Variants in PPP5C observed in about 807,000 individuals in gnomAD.
The protein encoded by PPP5C is protein phosphatase 5 catalytic subunit.
A neutral mutation model predicts 66.7 loss-of-function variants in PPP5C; 21 were observed. That is an observed-to-expected ratio of 0.31 (90% confidence interval 0.22 to 0.45). The LOEUF is 0.45. Ranked by LOEUF, PPP5C falls within the 20% of genes least tolerant of loss-of-function variation. PPP5C has a pLI of 1.00. For missense variants in PPP5C, 464 were observed against 675.9 expected (o/e 0.69, Z 3.48); for synonymous variants, 246 against 257.4 (o/e 0.96, Z 0.43).
intron 7 of PPP5C, among the ~76,000 whole-genome samples, chr19:46,385,813 G>A (rs911619333): frequency 3.6e-4 from 54 of 151,194 alleles, no homozygotes; most frequent in South Asian, 1.1e-3. Context: ...TGGTGGCACC[G>A]TGCACCCGTA....
chr19:46,348,088 A>G (rs1400755604), intron 1 of PPP5C, among the ~76,000 whole-genome samples: 1 of 152,084 alleles, frequency 6.6e-6, no homozygotes, highest in African/African-American at 2.4e-5. Context: ...GGCCTTACTG[A>G]GCAGGAGGCG....
chr19:46,349,253 C>T (rs1972140337), intron 1 of PPP5C, among the ~76,000 whole-genome samples: 1 of 151,684 alleles, frequency 6.6e-6, no homozygotes, highest in Non-Finnish European at 1.5e-5. Flanking sequence ...AAGATCACAC[C>T]ACTGCATTCC....
rs150926557 is a variant in PPP5C at position 46,385,019 on chromosome 19, T to C, written c.904+110T>C. On this transcript the variant is annotated intron_variant, in intron 7 of 12. Transcript: ENST00000012443. ...ATTTATTTTGTGGACTCGGAGATCA[T>C]GCACAGGGCGACCTTTTAAGATTGA... The C allele has an allele frequency of 7.1e-4, 600 of 850,692 alleles. 11 individuals are homozygous for C. In the East Asian group the frequency reaches 0.015, roughly 21 times the overall value. 52.7% of individuals were successfully genotyped at this position (850,692 alleles called of 1,614,324 possible). A position where few individuals can be genotyped will look rare whatever the true frequency, so the allele number is the denominator to read the frequency against.
In PPP5C at chr19:46,390,595, A is replaced by T; in HGVS notation, c.*249A>T. 28 of 1,334,194 alleles carry T rather than the reference A, an allele frequency of 2.1e-5. No individual in the cohort carries two copies. The highest frequency in any genetic ancestry group is 4.5e-5 in the African/African-American group (3 of 67,136). The allele number at this position is 1,334,194 out of a possible 1,614,324, so 82.6% of individuals were successfully genotyped here. A position where few individuals can be genotyped will look rare whatever the true frequency, so the allele number is the denominator to read the frequency against. ...CTGGGGCTGGGGGCACAGCCTGGGC[A>T]TTCTGTGGGGAGGCCGTCCTCGGGG... On this transcript the variant is annotated 3_prime_UTR_variant, in exon 13 of 13. Coordinates refer to ENST00000012443, the MANE Select transcript of PPP5C (RefSeq NM_006247.4).
intron 2 of PPP5C, among the ~76,000 whole-genome samples, chr19:46,359,927 C>CTGTG (rs1477696480): frequency 6.6e-6 from 1 of 151,866 alleles, no homozygotes; most frequent in Non-Finnish European, 1.5e-5. Flanking sequence ...TTACAGGCAC[C>CTGTG]TGCCACACAC....
intron 1 of PPP5C, among the ~76,000 whole-genome samples, chr19:46,349,397 G>T (rs541203384): frequency 6.6e-6 from 1 of 152,266 alleles, no homozygotes; most frequent in South Asian, 2.1e-4. Flanking sequence ...GCACAGGAGA[G>T]GGGGGACTTG....
chr19:46,347,335 C>T (rs1415663875), intron 1 of PPP5C, 118 bp downstream of exon 1: 1 of 1,417,506 alleles, frequency 7.1e-7, no homozygotes, highest in Non-Finnish European at 9.3e-7. Context: ...TACCAAGTGA[C>T]CGGGCGTGGG....
At chr19:46,366,202 C>CA (rs1426727009) in intron 2 of PPP5C, among the ~76,000 whole-genome samples, 1 of 151,926 alleles carries the variant, frequency 6.6e-6, no homozygotes. Flanking sequence ...CTCACAGGGC[C>CA]AAAAAACATT....
Position 46,376,034 on chromosome 19 carries a change from C to G in PPP5C, c.511+283C>G, listed in dbSNP as rs1409041811. On this transcript the variant is annotated intron_variant, in intron 3 of 12. Coordinates refer to ENST00000012443, the MANE Select transcript of PPP5C (RefSeq NM_006247.4). This position sits in a 1 kb window ranked among gnomAD's most constrained non-coding sequence, Gnocchi z 5.1. ...CCCACAGGCTGTGTCTGATTCACCT[C>G]TAGGTGCTGAGAAGATCCAAGGGAT... 6.6e-6 allele frequency among the ~76,000 whole-genome samples: 1 copy of G among 152,170 alleles called. No individual in the cohort carries two copies. The highest frequency in any genetic ancestry group is 1.5e-5 in the Non-Finnish European group (1 of 68,030).
At chr19:46,367,029 A>C (rs1972501975) in intron 2 of PPP5C, among the ~76,000 whole-genome samples, 1 of 152,184 alleles carries the variant, frequency 6.6e-6, no homozygotes, top group Non-Finnish European at 1.5e-5. Context: ...CTCCTCTTAG[A>C]TCACTTCCAT....
intron 2 of PPP5C, among the ~76,000 whole-genome samples, chr19:46,369,473 A>T (rs1972546246): frequency 6.6e-6 from 1 of 151,812 alleles, no homozygotes; most frequent in Non-Finnish European, 1.5e-5. Flanking sequence ...TCTACTAAAT[A>T]TACAAAAAAT....
At chr19:46,366,339 G>A (rs914098119) in intron 2 of PPP5C, among the ~76,000 whole-genome samples, 4 of 151,982 alleles carry the variant, frequency 2.6e-5, no homozygotes, top group African/African-American at 9.7e-5. Context: ...CAAGGGAGAG[G>A]CTTGTGGTTT....
At chr19:46,382,608 G>A (rs1394876196) in intron 4 of PPP5C, 1 of 158,916 alleles carries the variant, frequency 6.3e-6, no homozygotes, top group African/African-American at 2.4e-5. Context: ...AACTTTATGT[G>A]TCTGTCTACT....
chr19:46,377,685 G>T (rs1264875694), intron 4 of PPP5C, among the ~76,000 whole-genome samples: 1 of 152,206 alleles, frequency 6.6e-6, no homozygotes, highest in Non-Finnish European at 1.5e-5. Flanking sequence ...GGCAACCACT[G>T]ATCTGATTTT....
At chr19:46,348,962 G>C (rs1156894763) in intron 1 of PPP5C, among the ~76,000 whole-genome samples, 1 of 152,160 alleles carries the variant, frequency 6.6e-6, no homozygotes, top group African/African-American at 2.4e-5. Flanking sequence ...TGGGGGTGAT[G>C]CAGCCAGGAG....
At position 46,383,902 on chromosome 19, in the gene PPP5C, C is replaced by A. The variant is rs778482765; in HGVS notation, c.798+24C>A. 1.3e-6 allele frequency: 2 copies of A among 1,551,188 alleles called. No homozygotes were observed. Among genetic ancestry groups the A allele is most frequent in the Non-Finnish European group, 1.8e-6 (2 of 1,123,258 alleles). ...ATGTATCCTTCTCAGCAGAGCCACCCTCTCCCCACCTCCACCCCCAGCCGC... is the reference window on the plus strand; with the variant it reads ...ATGTATCCTTCTCAGCAGAGCCACCATCTCCCCACCTCCACCCCCAGCCGC... On this transcript the variant is annotated intron_variant, in intron 6 of 12. Transcript: ENST00000012443. This position sits in a 1 kb window ranked among gnomAD's most constrained non-coding sequence, Gnocchi z 5.0.
intron 4 of PPP5C, chr19:46,382,681 G>T: frequency 1.9e-6 from 1 of 513,272 alleles, no homozygotes; most frequent in Non-Finnish European, 2.5e-6. Context: ...TTGAAAGTAA[G>T]TTGCAGCCAT....
intron 7 of PPP5C, among the ~76,000 whole-genome samples, chr19:46,385,962 A>G (rs1299143693): frequency 1.4e-4 from 9 of 64,622 alleles, no homozygotes; most frequent in African/African-American, 4.4e-4. Flanking sequence ...AAAAAAAAAA[A>G]GTAAGAAACT....
chr19:46,354,081 C>A, intron 2 of PPP5C, 92 bp downstream of exon 2: 1 of 1,499,344 alleles, frequency 6.7e-7, no homozygotes, highest in Non-Finnish European at 8.9e-7. Context: ...CCATTCACTC[C>A]TCTACTTACC....
Sources: gnomAD v4.1 joint callset for allele counts (sites outside exome capture counted in the v4.1 genomes callset) on GRCh38, gnomAD v4.1.1 for gene constraint, Gnocchi (gnomAD v3.1) non-coding constraint, MANE v1.5 for transcripts, NCBI Gene and HGNC (gene_info 2026-07-23, HGNC 2026-07-21) for gene names.